Variants in CMIP observed in about 807,000 individuals in gnomAD.
CMIP encodes the protein C-Maf-inducing protein.
A neutral mutation model predicts 97.3 loss-of-function variants in CMIP; 13 were observed. The observed-to-expected ratio is 0.13, with a 90% CI of 0.09 to 0.21. The LOEUF is 0.21. Among genes scored for constraint, CMIP ranks in the 10% least tolerant of loss-of-function variants. The pLI, the probability that CMIP is intolerant of heterozygous loss-of-function variation, is 1.00. For synonymous variants in CMIP, 538 were observed against 436.3 expected (o/e 1.23, Z -2.91); for missense variants, 847 against 1,024.9 (o/e 0.83, Z 2.37).
chr16:81,601,269 C>T (rs1007970181), intron 1 of CMIP, among the ~76,000 whole-genome samples: 5 of 152,162 alleles, frequency 3.3e-5, no homozygotes, highest in African/African-American at 4.8e-5. Context: ...TCAGCCTGGA[C>T]GTCATGATTC....
intron 1 of CMIP, among the ~76,000 whole-genome samples, chr16:81,530,446 A>G (rs1434932548): frequency 4.0e-5 from 6 of 151,800 alleles, no homozygotes; most frequent in African/African-American, 9.7e-5. Context: ...TTCTAAAGTC[A>G]AACAGATTTC....
chr16:81,575,219 G>C (rs1406916050), intron 1 of CMIP, among the ~76,000 whole-genome samples: 1 of 152,214 alleles, frequency 6.6e-6, no homozygotes, highest in African/African-American at 2.4e-5. Context: ...AGGAAACTGA[G>C]GCACAGGAGA....
intron 13 of CMIP, 22 bp downstream of exon 13, chr16:81,693,509 C>T (rs1310936221): frequency 1.2e-6 from 2 of 1,605,488 alleles, no homozygotes; most frequent in Non-Finnish European, 1.7e-6. Flanking sequence ...GTTTCTGCAT[C>T]TCAGGCCGGC....
intron 5 of CMIP, 70 bp from the exon 6 acceptor site, chr16:81,660,814 T>G: frequency 6.5e-7 from 1 of 1,538,190 alleles, no homozygotes. Flanking sequence ...CAATATGGCC[T>G]GGAGATTGTT....
At chr16:81,471,090 C>T (rs946410000) in intron 1 of CMIP, among the ~76,000 whole-genome samples, 1 of 152,238 alleles carries the variant, frequency 6.6e-6, no homozygotes, top group Non-Finnish European at 1.5e-5. Context: ...TGCACACACA[C>T]GTACACATAA....
At chr16:81,620,367 T>A (rs2091976882) in intron 2 of CMIP, 1 of 153,914 alleles carries the variant, frequency 6.5e-6, no homozygotes, top group East Asian at 1.9e-4. Flanking sequence ...CATTGTGAGA[T>A]CTCAGGGTCT....
At chr16:81,540,711 C>CG (rs1448859008) in intron 1 of CMIP, among the ~76,000 whole-genome samples, 1 of 150,790 alleles carries the variant, frequency 6.6e-6, no homozygotes, top group East Asian at 2.0e-4. Flanking sequence ...GACAGAGTCT[C>CG]GGTCTGTTGC....
chr16:81,533,524 G>A (rs2090282285), intron 1 of CMIP, among the ~76,000 whole-genome samples: 1 of 152,112 alleles, frequency 6.6e-6, no homozygotes, highest in Non-Finnish European at 1.5e-5. Context: ...TGTCACCCAG[G>A]CTGGCATTCA....
At chr16:81,510,472 A>G (rs535955151) in intron 1 of CMIP, among the ~76,000 whole-genome samples, 12 of 152,312 alleles carry the variant, frequency 7.9e-5, no homozygotes, top group African/African-American at 2.2e-4. Context: ...AGGAAACACT[A>G]TTGTTAGTAG....
chr16:81,446,151 AG>A (rs959648873), intron 1 of CMIP, among the ~76,000 whole-genome samples: 29 of 151,112 alleles, frequency 1.9e-4, no homozygotes, highest in African/African-American at 6.3e-4. Flanking sequence ...GTGGAGGGGG[AG>A]GGGGCAGTGG....
At chr16:81,481,845 C>T (rs1338175354) in intron 1 of CMIP, among the ~76,000 whole-genome samples, 2 of 151,460 alleles carry the variant, frequency 1.3e-5, no homozygotes, top group African/African-American at 4.9e-5. Flanking sequence ...CTTCAGTCTT[C>T]ACATCTCCTC....
chr16:81,577,643 AC>A (rs1483220755), intron 1 of CMIP, among the ~76,000 whole-genome samples: 6 of 151,076 alleles, frequency 4.0e-5, no homozygotes, highest in Admixed American at 2.0e-4. Flanking sequence ...CACCATCATC[AC>A]CATCACCTTC....
At chr16:81,501,567 G>A (rs1163453113) in intron 1 of CMIP, among the ~76,000 whole-genome samples, 1 of 152,004 alleles carries the variant, frequency 6.6e-6, no homozygotes, top group Admixed American at 6.6e-5. Context: ...ATCTCAGGAT[G>A]GGTGTGGCAT....
chr16:81,542,758 T>C (rs4889336), intron 1 of CMIP, among the ~76,000 whole-genome samples: 40,328 of 152,000 alleles, frequency 0.27, 5,472 homozygotes, highest in East Asian at 0.44. Flanking sequence ...ACATTTATCC[T>C]GTCATGGGGG....
intron 1 of CMIP, chr16:81,476,669 AT>A (rs1432612839): frequency 1.1e-5 from 4 of 369,108 alleles, no homozygotes; most frequent in Non-Finnish European, 2.1e-5. Flanking sequence ...TATGAGATCC[AT>A]TGTATGAAGA....
chr16:81,571,697 C>G (rs548618640), intron 1 of CMIP, among the ~76,000 whole-genome samples: 2 of 152,098 alleles, frequency 1.3e-5, no homozygotes, highest in African/African-American at 4.8e-5. Flanking sequence ...CGGTCCCTTC[C>G]TTGGTGTGTG....
chr16:81,610,501 C>A (rs999794597), intron 2 of CMIP: 3 of 985,464 alleles, frequency 3.0e-6, no homozygotes, highest in African/African-American at 1.7e-5. Context: ...GAGGGAGCAG[C>A]AGACACGGCC....
chr16:81,516,870 T>G (rs1456665805), intron 1 of CMIP, among the ~76,000 whole-genome samples: 1 of 152,116 alleles, frequency 6.6e-6, no homozygotes, highest in African/African-American at 2.4e-5. Flanking sequence ...GCCTCCAAGG[T>G]CTTCAGTGAA....
chr16:81,673,638 A>T (rs1203201903), intron 9 of CMIP, among the ~76,000 whole-genome samples: 1 of 152,214 alleles, frequency 6.6e-6, no homozygotes, highest in Non-Finnish European at 1.5e-5. Flanking sequence ...CTCTGCTGAG[A>T]GTTGCTCCGC....
Sources: allele counts gnomAD v4.1 joint callset (sites outside exome capture counted in the v4.1 genomes callset), GRCh38; gene constraint gnomAD v4.1.1; transcripts MANE v1.5; gene names NCBI Gene and HGNC (gene_info 2026-07-23, HGNC 2026-07-21).